POTEC: variants seen among roughly 807,000 people sequenced by gnomAD.
The protein encoded by POTEC is ANKRD26-like family B member 2.
Under a neutral mutation model 62.0 loss-of-function variants are expected in POTEC, and 35 were observed. The ratio of observed to expected loss-of-function variants is 0.56; its 90% CI spans 0.43 to 0.75. POTEC has a LOEUF of 0.75. POTEC is among the 30% of genes least tolerant of loss of function. The pLI is 0.00. For missense variants in POTEC, 472 were observed against 655.9 expected (o/e 0.72, Z 3.06); for synonymous variants, 156 against 221.5 (o/e 0.70, Z 2.62).
At position 14,522,373 on chromosome 18, in the gene POTEC, T is replaced by C; in HGVS notation, c.1290A>G (p.Pro430=). The change falls in exon 9 of 11, where the codon CCA becomes CCG. Residue 430 remains proline (P), a synonymous_variant. Coordinates refer to ENST00000358970, the MANE Select transcript of POTEC (RefSeq NM_001137671.2). ...CACTGGCACCATTAGTCAGGTTTTCTGGTAATCCCACAGGATTACTTCCAT... is the reference window on the plus strand; with the variant it reads ...CACTGGCACCATTAGTCAGGTTTTCCGGTAATCCCACAGGATTACTTCCAT... The part of the protein sequence containing the change: ...KKHGSNPVGL[P]ENLTNGASAG... The C allele has an allele frequency of 6.3e-7, 1 of 1,583,918 alleles. No individual in the cohort carries two copies. The highest frequency in any genetic ancestry group is 1.2e-5 in the South Asian group (1 of 86,804).
chr18:14,519,034 A>G (rs1567910782), intron 9 of POTEC, among the ~76,000 whole-genome samples: 1 of 152,204 alleles, frequency 6.6e-6, no homozygotes, highest in African/African-American at 2.4e-5. Flanking sequence ...AGTCTATGAC[A>G]CTCATCTAGA....
intron 3 of POTEC, among the ~76,000 whole-genome samples, chr18:14,535,938 C>T (rs1905698014): frequency 6.6e-6 from 1 of 151,850 alleles, no homozygotes; most frequent in African/African-American, 2.4e-5. Context: ...ATAGATAGTG[C>T]CAATAATATT....
intron 5 of POTEC, among the ~76,000 whole-genome samples, chr18:14,530,940 G>A (rs529434025): frequency 6.6e-6 from 1 of 152,092 alleles, no homozygotes; most frequent in South Asian, 2.1e-4. Context: ...ATTTCACTAG[G>A]TTGTTATAAA....
In POTEC at chr18:14,537,800, C is replaced by T. The variant is rs1401591345; in HGVS notation, c.810+1G>A. The T allele has an allele frequency of 1.9e-5, 31 of 1,610,536 alleles. No individual in the cohort carries two copies. The highest frequency in any genetic ancestry group is 2.5e-5 in the Non-Finnish European group (30 of 1,179,040). The stretch of plus-strand genomic sequence containing the variant: ...TGAAGATAAAATTGGTAGATCTATA[C>T]CTTGTTTTTTGATTCAATATCAGCA... On this transcript the variant is annotated splice_donor_variant, in intron 3 of 10. Coordinates refer to ENST00000358970, the MANE Select transcript of POTEC (RefSeq NM_001137671.2). LOFTEE classifies it high-confidence loss of function.
chr18:14,524,243 C>CCGA (rs1910381370), intron 7 of POTEC, among the ~76,000 whole-genome samples: 2 of 152,140 alleles, frequency 1.3e-5, no homozygotes, highest in African/African-American at 4.8e-5. Context: ...ACCAAATGTC[C>CCGA]CATTCTGCAA....
At chr18:14,523,988 G>T in intron 7 of POTEC, among the ~76,000 whole-genome samples, 1 of 152,118 alleles carries the variant, frequency 6.6e-6, no homozygotes, top group African/African-American at 2.4e-5. Flanking sequence ...TAATTGGATT[G>T]TAGGCACGCT....
chr18:14,525,584 AGCTATGCAGTGGTT>A (rs1244851844), intron 6 of POTEC, among the ~76,000 whole-genome samples: 5 of 151,914 alleles, frequency 3.3e-5, no homozygotes, highest in African/African-American at 1.2e-4. Flanking sequence ...CAAGGTCACA[AGCTATGCAGTGGTT>A]GCAAAACTGT....
chr18:14,525,028 C>G, intron 6 of POTEC, 45 bp from the exon 7 acceptor site: 1 of 1,581,686 alleles, frequency 6.3e-7, no homozygotes, highest in Non-Finnish European at 8.6e-7. Context: ...CCACTTAGAA[C>G]AGTTAAAAAC....
At chr18:14,538,286 A>C (rs1905819003) in intron 1 of POTEC, 37 bp from the exon 2 acceptor site, 3 of 1,591,244 alleles carry the variant, frequency 1.9e-6, no homozygotes, top group Non-Finnish European at 2.6e-6. Flanking sequence ...ATTGTAGTGC[A>C]CTAGCTAATG....
intron 10 of POTEC, among the ~76,000 whole-genome samples, chr18:14,512,533 C>T (rs888917623): frequency 6.6e-6 from 1 of 152,208 alleles, no homozygotes; most frequent in Non-Finnish European, 1.5e-5. Context: ...CTACAATGTA[C>T]ACATCTGCGT....
At chr18:14,518,399 AT>A (rs200011347) in intron 9 of POTEC, among the ~76,000 whole-genome samples, 17 of 149,598 alleles carry the variant, frequency 1.1e-4, no homozygotes, top group East Asian at 9.8e-4. Context: ...GAGAAAGGGG[AT>A]TTTTTTTTTC....
intron 9 of POTEC, among the ~76,000 whole-genome samples, chr18:14,517,527 G>A (rs1169429044): frequency 1.3e-5 from 2 of 149,902 alleles, no homozygotes; most frequent in Non-Finnish European, 3.0e-5. Flanking sequence ...GAATTTTCAA[G>A]TCCATTAAAT....
chr18:14,540,630 G>C (rs1905900484), intron 1 of POTEC, among the ~76,000 whole-genome samples: 1 of 152,034 alleles, frequency 6.6e-6, no homozygotes, highest in Non-Finnish European at 1.5e-5. Flanking sequence ...ATCTTTATAT[G>C]AGTTCTCAAC....
rs1161141678 is a variant in POTEC at position 14,508,122 on chromosome 18, T to C, written c.*3776A>G. On this transcript the variant is annotated 3_prime_UTR_variant, in exon 11 of 11. Transcript: ENST00000358970. ...TTGAATGTTGGCCTGTCTGGCTAGGTTGGGGACATTCTCATGAATGATATT... is the reference window on the plus strand; with the variant it reads ...TTGAATGTTGGCCTGTCTGGCTAGGCTGGGGACATTCTCATGAATGATATT... 2 of 152,324 alleles carry C rather than the reference T, an allele frequency of 1.3e-5. No homozygotes were observed. The highest frequency in any genetic ancestry group is 1.9e-4 in the East Asian group (1 of 5,180). 9.4% of individuals were successfully genotyped at this position (152,324 alleles called of 1,614,324 possible).
chr18:14,528,027 A>C (rs2143140727), intron 6 of POTEC: 1 of 152,310 alleles, frequency 6.6e-6, no homozygotes, highest in African/African-American at 2.4e-5. Flanking sequence ...TTGTAAATAA[A>C]GTTTTATAGG....
At chr18:14,520,147 A>C (rs1205790821) in intron 9 of POTEC, among the ~76,000 whole-genome samples, 1 of 152,168 alleles carries the variant, frequency 6.6e-6, no homozygotes, top group Non-Finnish European at 1.5e-5. Context: ...GAATGTTGTA[A>C]TTTTCTTCCA....
At chr18:14,537,200 CACACACACACAAA>C (rs1209547708) in intron 3 of POTEC, among the ~76,000 whole-genome samples, 137 of 82,424 alleles carry the variant, frequency 1.7e-3, no homozygotes, top group African/African-American at 8.9e-3. Flanking sequence ...CACACACACA[CACACACACACAAA>C]AAAAAAAAAA....
intron 3 of POTEC, among the ~76,000 whole-genome samples, chr18:14,537,213 A>AC (rs1331667374): frequency 8.7e-5 from 9 of 103,074 alleles, no homozygotes; most frequent in Admixed American, 3.1e-4. Context: ...ACACACACAA[A>AC]AAAAAAAAAA....
chr18:14,537,764 T>C, intron 3 of POTEC, 37 bp downstream of exon 3: 4 of 1,607,124 alleles, frequency 2.5e-6, no homozygotes, highest in Non-Finnish European at 2.5e-6. Flanking sequence ...CACGAATGCA[T>C]TTCAGTATTT....
Sources: gnomAD v4.1 joint callset for allele counts (sites outside exome capture counted in the v4.1 genomes callset) on GRCh38, gnomAD v4.1.1 for gene constraint, MANE v1.5 for transcripts, NCBI Gene and HGNC (gene_info 2026-07-23, HGNC 2026-07-21) for gene names.